Variants in RALA observed in about 807,000 individuals in gnomAD.
RALA encodes the protein ras-related protein Ral-A.
A neutral mutation model predicts 24.0 loss-of-function variants in RALA; 5 were observed. That is an observed-to-expected ratio of 0.21 (90% CI 0.11 to 0.44). The LOEUF is 0.44. Ranked by LOEUF, RALA falls within the 20% of genes least tolerant of loss-of-function variation. The pLI, the probability that RALA is intolerant of heterozygous loss-of-function variation, is 0.99. For synonymous variants in RALA, 77 were observed against 83.8 expected (o/e 0.92, Z 0.44); for missense variants, 95 against 241.2 (o/e 0.39, Z 4.01).
intron 1 of RALA, among the ~76,000 whole-genome samples, chr7:39,658,360 A>G: frequency 6.6e-6 from 1 of 152,192 alleles, no homozygotes. Context: ...AACAACTAGT[A>G]TAAAGAACTT....
At chr7:39,698,286 G>T (rs578113811) in intron 4 of RALA, among the ~76,000 whole-genome samples, 58 of 152,254 alleles carry the variant, frequency 3.8e-4, no homozygotes, top group African/African-American at 1.4e-3. Flanking sequence ...ATTTTGGGGT[G>T]ACACAAGCAT....
intron 1 of RALA, among the ~76,000 whole-genome samples, chr7:39,650,149 G>A (rs1791996193): frequency 1.3e-5 from 2 of 152,304 alleles, no homozygotes; most frequent in South Asian, 4.1e-4. Flanking sequence ...TTCTGGAGCA[G>A]TCTCTGTTGA....
chr7:39,672,045 A>G (rs1792400454), intron 1 of RALA, among the ~76,000 whole-genome samples: 1 of 152,200 alleles, frequency 6.6e-6, no homozygotes, highest in Admixed American at 6.5e-5. Context: ...CATAGTAGTT[A>G]ATTTGCCACT....
chr7:39,626,390 A>G (rs1474022920), intron 1 of RALA, among the ~76,000 whole-genome samples: 4 of 152,126 alleles, frequency 2.6e-5, no homozygotes, highest in African/African-American at 4.8e-5. Context: ...GAAAGTAACA[A>G]TTGCTGAGAG....
intron 2 of RALA, among the ~76,000 whole-genome samples, chr7:39,688,488 T>G (rs1792749883): frequency 6.6e-6 from 1 of 152,196 alleles, no homozygotes; most frequent in Non-Finnish European, 1.5e-5. Context: ...TCATACTGTT[T>G]ATTTAAGAGC....
chr7:39,680,228 G>T (rs182292821), intron 1 of RALA, among the ~76,000 whole-genome samples: 1 of 151,852 alleles, frequency 6.6e-6, no homozygotes, highest in Non-Finnish European at 1.5e-5. Context: ...AATTAGCCAG[G>T]TGTGGTGGCA....
chr7:39,702,186 T>C (rs1307190167), intron 4 of RALA, among the ~76,000 whole-genome samples: 1 of 152,174 alleles, frequency 6.6e-6, no homozygotes, highest in African/African-American at 2.4e-5. Context: ...ATTCATAATA[T>C]AGAAACATAA....
intron 1 of RALA, among the ~76,000 whole-genome samples, chr7:39,665,038 A>G (rs919523792): frequency 1.8e-4 from 27 of 152,366 alleles, no homozygotes; most frequent in African/African-American, 6.5e-4. Flanking sequence ...ATGGTGGAAG[A>G]AGGATTGGTA....
intron 1 of RALA, among the ~76,000 whole-genome samples, chr7:39,677,198 T>C (rs977470507): frequency 6.6e-6 from 1 of 152,236 alleles, no homozygotes; most frequent in Non-Finnish European, 1.5e-5. Flanking sequence ...CATTCTCCCC[T>C]GAAGCCCCCT....
intron 1 of RALA, among the ~76,000 whole-genome samples, chr7:39,644,376 C>T (rs1791890445): frequency 6.6e-6 from 1 of 152,098 alleles, no homozygotes; most frequent in Non-Finnish European, 1.5e-5. Context: ...TGAGGTTTAT[C>T]CCAGCTTGAC....
At chr7:39,628,745 C>T (rs1791541645) in intron 1 of RALA, among the ~76,000 whole-genome samples, 3 of 151,696 alleles carry the variant, frequency 2.0e-5, no homozygotes, top group African/African-American at 4.8e-5. Flanking sequence ...TTAGTAGAGA[C>T]GGGGTTTCAC....
At chr7:39,689,351 A>G (rs1224718368) in intron 2 of RALA, among the ~76,000 whole-genome samples, 1 of 152,214 alleles carries the variant, frequency 6.6e-6, no homozygotes, top group Non-Finnish European at 1.5e-5. Context: ...ATGTGGTGGA[A>G]TGTTATTTAA....
chr7:39,667,874 C>T (rs1792312155), intron 1 of RALA, among the ~76,000 whole-genome samples: 1 of 152,126 alleles, frequency 6.6e-6, no homozygotes, highest in Non-Finnish European at 1.5e-5. Flanking sequence ...TGCCCATGAA[C>T]CTAAAGTGAA....
intron 1 of RALA, among the ~76,000 whole-genome samples, chr7:39,662,362 C>T (rs961495982): frequency 6.6e-6 from 1 of 152,012 alleles, no homozygotes; most frequent in Non-Finnish European, 1.5e-5. Context: ...AGAAAATTGG[C>T]TTTTTTTTCC....
At chr7:39,699,118 G>GTTTTTTTTTTTTTTTTTTTTTT (rs1209729467) in intron 4 of RALA, among the ~76,000 whole-genome samples, 1 of 84,140 alleles carries the variant, frequency 1.2e-5, no homozygotes, top group African/African-American at 4.7e-5. Flanking sequence ...TGCTAAAAAT[G>GTTTTTTTTTTTTTTTTTTTTTT]TTATTTTTTT....
At chr7:39,692,650 A>G (rs1055190428) in intron 3 of RALA, among the ~76,000 whole-genome samples, 2 of 152,214 alleles carry the variant, frequency 1.3e-5, no homozygotes, top group African/African-American at 2.4e-5. Flanking sequence ...GGAACCCAGT[A>G]GGTCCAGGTT....
At chr7:39,652,646 ATAAGG>A (rs1354619602) in intron 1 of RALA, among the ~76,000 whole-genome samples, 1 of 152,230 alleles carries the variant, frequency 6.6e-6, no homozygotes, top group Non-Finnish European at 1.5e-5. Flanking sequence ...TAATACCTGT[ATAAGG>A]TAAGAAGCAA....
chr7:39,674,045 ATAAAT>A (rs774183817), intron 1 of RALA, among the ~76,000 whole-genome samples: 2 of 147,816 alleles, frequency 1.4e-5, no homozygotes, highest in African/African-American at 5.0e-5. Context: ...TGCACTGTAA[ATAAAT>A]AAATAAATAA....
At chr7:39,680,098 C>T (rs570084732) in intron 1 of RALA, among the ~76,000 whole-genome samples, 73 of 152,070 alleles carry the variant, frequency 4.8e-4, no homozygotes, top group Non-Finnish European at 8.8e-4. Flanking sequence ...GGCTGGGCGC[C>T]GTGGCTCACT....
Sources: gnomAD v4.1 joint callset for allele counts (sites outside exome capture counted in the v4.1 genomes callset) on GRCh38, gnomAD v4.1.1 for gene constraint, MANE v1.5 for transcripts, NCBI Gene and HGNC (gene_info 2026-07-23, HGNC 2026-07-21) for gene names.